POGK: variants seen among roughly 807,000 people sequenced by gnomAD.
The protein encoded by POGK is pogo transposable element with KRAB domain.
Under a neutral mutation model 54.4 loss-of-function variants are expected in POGK, and 16 were observed. That is an observed-to-expected ratio of 0.29 (90% CI 0.20 to 0.45). The LOEUF is 0.45. Among genes scored for constraint, POGK ranks in the 20% least tolerant of loss-of-function variants. POGK has a pLI of 1.00. For missense variants in POGK, 515 were observed against 795.6 expected, an observed-to-expected ratio of 0.65 and a Z score of 4.24; for synonymous variants, 271 against 302.2, an observed-to-expected ratio of 0.90 and a Z score of 1.07.
intron 2 of POGK, among the ~76,000 whole-genome samples, chr1:166,842,836 CCCA>C (rs764058141): frequency 2.0e-5 from 3 of 151,970 alleles, no homozygotes; most frequent in Non-Finnish European, 2.9e-5. Context: ...AGGATGCCCC[CCCA>C]CCACCACACA....
At position 166,851,616 on chromosome 1, in the gene POGK, C is replaced by A. The variant is rs559364799; in HGVS notation, c.*15-969C>A. Reference sequence around the variant, plus strand: ...ACACTAGTGAAATGACCCCACCCACCTACACCTCCAGAGAGGAGGAGGATG... The same window carrying A: ...ACACTAGTGAAATGACCCCACCCACATACACCTCCAGAGAGGAGGAGGATG... On this transcript the variant is annotated intron_variant, in intron 5 of 5. Transcript: ENST00000367876. The A allele has an allele frequency of 5.3e-5, 8 of 152,278 alleles. No homozygotes were observed. The South Asian group carries it at 1.7e-3, about 32-fold the overall frequency. The allele number at this position is 152,278 out of a possible 1,614,324, so 9.4% of individuals were successfully genotyped here. A position where few individuals can be genotyped will look rare whatever the true frequency, so the allele number is the denominator to read the frequency against.
At chr1:166,847,009 C>T (rs1365905365) in intron 3 of POGK, among the ~76,000 whole-genome samples, 1 of 152,172 alleles carries the variant, frequency 6.6e-6, no homozygotes, top group Non-Finnish European at 1.5e-5. Flanking sequence ...GAAATGTCAC[C>T]ATGGATCTGG....
At chr1:166,850,696 G>A (rs149689548) in intron 5 of POGK, 183 of 338,450 alleles carry the variant, frequency 5.4e-4, no homozygotes, top group African/African-American at 3.6e-3. Context: ...TCTCATAGGA[G>A]CACAAACCCT....
chr1:166,845,048 C>G (rs1345880279), intron 2 of POGK, among the ~76,000 whole-genome samples: 1 of 152,060 alleles, frequency 6.6e-6, no homozygotes, highest in Non-Finnish European at 1.5e-5. Flanking sequence ...GAGCACAGAG[C>G]TGGGGAGAGT....
chr1:166,841,070 C>G lies in POGK; in HGVS notation c.114C>G (p.Ile38Met), dbSNP rs1181235662. 2.5e-6 allele frequency: 4 copies of G among 1,613,942 alleles called. No individual in the cohort carries two copies. Among genetic ancestry groups the G allele is most frequent in the Non-Finnish European group, 3.4e-6 (4 of 1,179,966 alleles). ...CGGCAGACATGCAGAAAGTACGAAT[C>G]TGCTCTGAGGGCGGATGGGTAAGTA... ...DGPADMQKVR[I>M]CSEGGWVPAL... The change falls in exon 2 of 6, where the codon ATC (isoleucine) becomes ATG (methionine). Residue 38 changes from isoleucine to methionine, a missense_variant. This residue lies in a region of POGK where 54 missense variants were observed against 52.0 expected (regional missense o/e 1.04). Transcript: ENST00000367876.
chr1:166,852,178 G>A (rs1658096144), intron 5 of POGK: 1 of 152,070 alleles, frequency 6.6e-6, no homozygotes, highest in Non-Finnish European at 1.5e-5. Context: ...GAATTACATT[G>A]AGTTTCCATC....
intron 2 of POGK, among the ~76,000 whole-genome samples, chr1:166,844,379 G>A (rs74955777): frequency 0.01 from 1,593 of 152,274 alleles, 20 homozygotes; most frequent in African/African-American, 0.037. Flanking sequence ...AGAAAAAAAG[G>A]CCAAAGAGAC....
chr1:166,846,121 G>A (rs751681938), intron 2 of POGK, among the ~76,000 whole-genome samples: 19 of 152,266 alleles, frequency 1.2e-4, no homozygotes, highest in South Asian at 1.0e-3. Flanking sequence ...AAGATCCCAC[G>A]GAGGGCAGTG....
intron 3 of POGK, 49 bp from the exon 4 acceptor site, chr1:166,847,445 T>G: frequency 6.8e-7 from 1 of 1,460,332 alleles, no homozygotes; most frequent in Non-Finnish European, 9.6e-7. Context: ...TTGGTAGTGC[T>G]CCAGGACAGT....
chr1:166,844,402 G>A (rs957019366), intron 2 of POGK, among the ~76,000 whole-genome samples: 1 of 152,192 alleles, frequency 6.6e-6, no homozygotes, highest in Non-Finnish European at 1.5e-5. Context: ...TTCTTTAAAA[G>A]CCTGGGAATT....
rs1007177160 is a variant in POGK at position 166,855,813 on chromosome 1, T to G, written c.*3243T>G. On this transcript the variant is annotated 3_prime_UTR_variant, in exon 6 of 6. Coordinates refer to ENST00000367876, the MANE Select transcript of POGK (RefSeq NM_017542.5). ...GTCAAGGCTCCTAGCTGCCTCTCCA[T>G]CTATGGAACTATGAAATTTCACACA... The G allele has an allele frequency of 1.3e-5, 2 of 152,240 alleles. No homozygotes were observed. The highest frequency in any genetic ancestry group is 2.9e-5 in the Non-Finnish European group (2 of 68,072). 9.4% of individuals were successfully genotyped at this position (152,240 alleles called of 1,614,324 possible).
chr1:166,851,986 G>A (rs2101771767), intron 5 of POGK: 1 of 152,256 alleles, frequency 6.6e-6, no homozygotes, highest in South Asian at 2.1e-4. Flanking sequence ...TCATATTGCT[G>A]AATCCCATTG....
intron 5 of POGK, chr1:166,852,193 C>T (rs1342998212): frequency 6.6e-6 from 1 of 152,140 alleles, no homozygotes; most frequent in Non-Finnish European, 1.5e-5. Flanking sequence ...TCCATCTTTT[C>T]TTCATTTACC....
Position 166,848,985 on chromosome 1 carries a change from A to G in POGK, c.406A>G (p.Asn136Asp). ...GCCTCCAGACTGGCCAAACCCAATG[A>G]ATGCTACCTCCCAGTTTCCTCAGCC... ...VKPPDWPNPM[N>D]ATSQFPQPQH... is the part of the protein sequence containing the mutation. The change falls in exon 5 of 6, where the codon AAT (asparagine) becomes GAT (aspartate). Residue 136 changes from asparagine to aspartate, a missense_variant. This residue lies in a region of POGK where 461 missense variants were observed against 743.5 expected (regional missense o/e 0.62). Transcript: ENST00000367876. 1 of 1,613,650 alleles carries G rather than the reference A, an allele frequency of 6.2e-7. No homozygotes were observed. Among genetic ancestry groups the G allele is most frequent in the Non-Finnish European group, 8.5e-7 (1 of 1,179,824 alleles).
intron 4 of POGK, among the ~76,000 whole-genome samples, chr1:166,848,614 C>T (rs1657932171): frequency 6.6e-6 from 1 of 152,198 alleles, no homozygotes; most frequent in Non-Finnish European, 1.5e-5. Flanking sequence ...TTGGTCCAAG[C>T]TTGGTTCCTC....
At chr1:166,845,392 T>C (rs1041062000) in intron 2 of POGK, among the ~76,000 whole-genome samples, 84 of 150,678 alleles carry the variant, frequency 5.6e-4, no homozygotes, top group African/African-American at 1.6e-3. Flanking sequence ...TATCTACTCC[T>C]CCACAGGCCC....
intron 2 of POGK, among the ~76,000 whole-genome samples, chr1:166,844,336 A>G (rs1214369580): frequency 1.3e-5 from 2 of 152,204 alleles, no homozygotes; most frequent in African/African-American, 2.4e-5. Context: ...GGGACTATAA[A>G]TAGGTATGAC....
At chr1:166,839,985 C>A in intron 1 of POGK, 1 of 152,418 alleles carries the variant, frequency 6.6e-6, no homozygotes, top group South Asian at 2.0e-4. Flanking sequence ...CGGCCCCTCC[C>A]ACCTCTGCCC....
At position 166,855,558 on chromosome 1, in the gene POGK, T is replaced by C. The variant is rs1658245027; in HGVS notation, c.*2988T>C. 6.6e-6 allele frequency: 1 copy of C among 152,372 alleles called. No individual in the cohort carries two copies. Among genetic ancestry groups the C allele is most frequent in the Admixed American group, 6.5e-5 (1 of 15,302 alleles). The allele number at this position is 152,372 out of a possible 1,614,324, so 9.4% of individuals were successfully genotyped here. ...ATCATCTCCCCTCCTTAGAAAATGA[T>C]TTCATAGGAAAATTGGCATGGAGAG... On this transcript the variant is annotated 3_prime_UTR_variant, in exon 6 of 6. Transcript: ENST00000367876.
Sources: allele counts gnomAD v4.1 joint callset (sites outside exome capture counted in the v4.1 genomes callset), GRCh38; gene constraint gnomAD v4.1.1; regional missense constraint gnomAD v4.1.1; transcripts MANE v1.5; gene names NCBI Gene and HGNC (gene_info 2026-07-23, HGNC 2026-07-21).